Variants in NLGN1 observed in about 807,000 individuals in gnomAD.
The protein encoded by NLGN1 is neuroligin 1, also known as neuroligin-1.
Under a neutral mutation model 65.5 loss-of-function variants are expected in NLGN1, and 12 were observed. That is an observed-to-expected ratio of 0.18 (90% CI 0.12 to 0.30). The LOEUF (loss-of-function observed/expected upper bound fraction) is 0.30, where lower values mean the gene tolerates loss of function less well. Among genes scored for constraint, NLGN1 ranks in the 10% least tolerant of loss-of-function variants. NLGN1 has a pLI of 1.00. For missense variants in NLGN1, 750 were observed against 1,007.1 expected, an observed-to-expected ratio of 0.74 and a Z score of 3.46; for synonymous variants, 350 against 359.5, an observed-to-expected ratio of 0.97 and a Z score of 0.30.
chr3:174,066,564 CTGTGTGTGTGTG>C (rs761468491), intron 4 of NLGN1, among the ~76,000 whole-genome samples: 2 of 100,052 alleles, frequency 2.0e-5, no homozygotes, highest in Non-Finnish European at 3.9e-5. Flanking sequence ...CTCTCTCTCT[CTGTGTGTGTGTG>C]TGTGTGTGTG....
intron 3 of NLGN1, among the ~76,000 whole-genome samples, chr3:173,653,795 A>T (rs560968605): frequency 2.6e-5 from 4 of 152,176 alleles, no homozygotes; most frequent in Non-Finnish European, 5.9e-5. Flanking sequence ...AAAAAGCCTC[A>T]CAGACACTTT....
At chr3:173,979,767 A>G (rs1439183163) in intron 4 of NLGN1, among the ~76,000 whole-genome samples, 1 of 152,098 alleles carries the variant, frequency 6.6e-6, no homozygotes, top group Non-Finnish European at 1.5e-5. Flanking sequence ...TTCTAGTCCT[A>G]TCACCATATC....
chr3:173,858,534 T>C (rs2150783848), intron 4 of NLGN1, among the ~76,000 whole-genome samples: 1 of 152,182 alleles, frequency 6.6e-6, no homozygotes, highest in African/African-American at 2.4e-5. Flanking sequence ...GGTTTCCAAT[T>C]TCTGAATTCT....
chr3:173,967,414 A>G (rs2152363130), intron 4 of NLGN1, among the ~76,000 whole-genome samples: 1 of 152,272 alleles, frequency 6.6e-6, no homozygotes. Context: ...CTTTTGAAAT[A>G]GATGTAGCTA....
chr3:174,070,430 C>T (rs914092200), intron 4 of NLGN1, among the ~76,000 whole-genome samples: 3 of 151,456 alleles, frequency 2.0e-5, no homozygotes, highest in Non-Finnish European at 4.4e-5. Context: ...TTCCTGGGTT[C>T]AAGTGATTCT....
At chr3:173,616,701 G>T (rs148105193) in intron 3 of NLGN1, among the ~76,000 whole-genome samples, 1 of 151,948 alleles carries the variant, frequency 6.6e-6, no homozygotes, top group Non-Finnish European at 1.5e-5. Flanking sequence ...TCCATTTCTC[G>T]CATCCTGATC....
intron 4 of NLGN1, among the ~76,000 whole-genome samples, chr3:174,232,545 C>A (rs1740923721): frequency 6.6e-6 from 1 of 152,122 alleles, no homozygotes; most frequent in Non-Finnish European, 1.5e-5. Flanking sequence ...ATACATGGGA[C>A]CCTTCAGAAT....
intron 4 of NLGN1, among the ~76,000 whole-genome samples, chr3:174,127,520 C>A (rs531730150): frequency 6.6e-6 from 1 of 152,138 alleles, no homozygotes; most frequent in African/African-American, 2.4e-5. Flanking sequence ...CTCCTTCTTC[C>A]CATATTCCTG....
intron 4 of NLGN1, among the ~76,000 whole-genome samples, chr3:173,878,319 C>T (rs770835279): frequency 6.6e-6 from 1 of 152,080 alleles, no homozygotes; most frequent in Non-Finnish European, 1.5e-5. Context: ...GGATTACAGG[C>T]GTGAGCCACT....
intron 2 of NLGN1, among the ~76,000 whole-genome samples, chr3:173,483,753 A>G (rs919269212): frequency 6.6e-6 from 1 of 152,154 alleles, no homozygotes; most frequent in African/African-American, 2.4e-5. Flanking sequence ...CATCTAGTTC[A>G]CTAGGAAGAT....
intron 4 of NLGN1, among the ~76,000 whole-genome samples, chr3:173,991,328 A>G (rs1019787903): frequency 3.9e-5 from 6 of 152,174 alleles, no homozygotes; most frequent in South Asian, 2.1e-4. Context: ...TATGACTTTT[A>G]TACCTTTTAG....
In NLGN1 at chr3:173,588,959, C is replaced by T. The variant is rs922149757; in HGVS notation, c.-320-15320C>T. ...TTAATAATACACATATTAGGGACCG[C>T]TAAAGGAAGTTTAATTAAGAAAAAC... On this transcript the variant is annotated intron_variant, in intron 2 of 6. Transcript: ENST00000457714. Among the ~76,000 whole-genome samples the T allele has an allele frequency of 7.9e-5, 12 of 152,198 alleles. 1 individual carries two copies. The highest frequency in any genetic ancestry group is 2.9e-4 in the African/African-American group (12 of 41,534).
At chr3:173,847,828 C>G (rs1726084038) in intron 4 of NLGN1, among the ~76,000 whole-genome samples, 1 of 152,042 alleles carries the variant, frequency 6.6e-6, no homozygotes, top group Admixed American at 6.5e-5. Flanking sequence ...ACCAAGATCA[C>G]ATCACTGCAC....
chr3:173,984,720 A>G (rs1560778406), intron 4 of NLGN1, among the ~76,000 whole-genome samples: 1 of 152,190 alleles, frequency 6.6e-6, no homozygotes, highest in Non-Finnish European at 1.5e-5. Flanking sequence ...GATTATCTCA[A>G]TGCTATCTTG....
intron 3 of NLGN1, among the ~76,000 whole-genome samples, chr3:173,723,007 T>C (rs1322681009): frequency 6.6e-6 from 1 of 152,224 alleles, no homozygotes; most frequent in East Asian, 1.9e-4. Flanking sequence ...AACAGAGACC[T>C]GAATGAGGTA....
chr3:173,683,128 G>A (rs1468276416), intron 3 of NLGN1, among the ~76,000 whole-genome samples: 2 of 152,076 alleles, frequency 1.3e-5, no homozygotes, highest in African/African-American at 4.8e-5. Context: ...GTATTAAAAT[G>A]CAGCTGGCAT....
At chr3:173,647,103 C>G (rs2134343) in intron 3 of NLGN1, among the ~76,000 whole-genome samples, 29,268 of 152,036 alleles carry the variant, frequency 0.19, 3,005 homozygotes, top group Middle Eastern at 0.33. Context: ...ACAAAGTTCA[C>G]TTCAAAATGA....
intron 4 of NLGN1, among the ~76,000 whole-genome samples, chr3:173,821,582 G>A (rs907259823): frequency 3.9e-5 from 6 of 151,904 alleles, no homozygotes; most frequent in Non-Finnish European, 7.4e-5. Context: ...CAAGAAATTG[G>A]GATTTTAGTG....
rs1035234689 is a variant in NLGN1, at chr3:173,497,321, G to A, written c.-321+62243G>A. Among the ~76,000 whole-genome samples the A allele has an allele frequency of 1.2e-4, 18 of 151,400 alleles. 1 individual carries two copies. The highest frequency in any genetic ancestry group is 4.4e-4 in the African/African-American group (18 of 41,014). ...GAGAATCGCTTGAATTCGGGAGGTG[G>A]AGATTGCAGTGAGCCAAGAGCATGC... is the stretch of plus-strand genomic sequence containing the variant. On this transcript the variant is annotated intron_variant, in intron 2 of 6. Transcript: ENST00000457714.
Sources: allele counts gnomAD v4.1 joint callset (sites outside exome capture counted in the v4.1 genomes callset), GRCh38; gene constraint gnomAD v4.1.1; transcripts MANE v1.5; gene names NCBI Gene and HGNC (gene_info 2026-07-23, HGNC 2026-07-21).